The following CDK9 variants were observed in gnomAD, a reference collection of about 807,000 sequenced individuals.
The protein encoded by CDK9 is cyclin dependent kinase 9.
Under a neutral mutation model 39.0 loss-of-function variants are expected in CDK9, and 34 were observed. That is an observed-to-expected ratio of 0.87 (90% CI 0.66 to 1.16). The LOEUF (loss-of-function observed/expected upper bound fraction) is 1.16, where lower values mean the gene tolerates loss of function less well. Ranked by LOEUF, CDK9 falls within the 50% of genes most tolerant of loss-of-function variation. The probability of loss-of-function intolerance (pLI) is 0.00; values close to 1 mark genes in which losing one functional copy is unlikely to be tolerated. For synonymous variants in CDK9, 233 were observed against 196.2 expected, an observed-to-expected ratio of 1.19 and a Z score of -1.57; for missense variants, 369 against 503.2, an observed-to-expected ratio of 0.73 and a Z score of 2.55.
In CDK9 at chr9:127,788,625, T is replaced by C. The variant is rs1317836668; in HGVS notation, c.686T>C (p.Met229Thr). The C allele has an allele frequency of 6.2e-7, 1 of 1,610,542 alleles. No homozygotes were observed. Among genetic ancestry groups the C allele is most frequent in the South Asian group, 1.1e-5 (1 of 90,232 alleles). The part of the protein sequence containing the change: ...MAEMWTRSPI[M>T]QGNTEQHQLA... ...GAGATGTGGACCCGCAGCCCCATCATGCAGGGCAACACGGAGCAGCACCAA... is the reference window on the plus strand; with the variant it reads ...GAGATGTGGACCCGCAGCCCCATCACGCAGGGCAACACGGAGCAGCACCAA... The change falls in exon 6 of 7, where the codon ATG (methionine) becomes ACG (threonine). Residue 229 changes from methionine to threonine, a missense_variant. By Grantham distance (81) the Met-to-Thr change is moderately conservative. Transcript: ENST00000373264.
At chr9:127,787,688 A>G in intron 3 of CDK9, 80 bp downstream of exon 3, 1 of 1,089,250 alleles carries the variant, frequency 9.2e-7, no homozygotes, top group Middle Eastern at 2.0e-4. Flanking sequence ...GGCACACCTA[A>G]ACTGCCTCTT....
At chr9:127,786,655 G>A (rs1223371281) in intron 1 of CDK9, 46 bp from the exon 2 acceptor site, 2 of 1,546,138 alleles carry the variant, frequency 1.3e-6, no homozygotes, top group African/African-American at 2.7e-5. Context: ...GGCGGGCCCT[G>A]CGGAAATGGC....
rs200589213 is a variant in CDK9 at position 127,786,674 on chromosome 9, T to C, written c.93-27T>C. The C allele has an allele frequency of 1.7e-3, 2,652 of 1,591,684 alleles. 3 individuals carry two copies. Among genetic ancestry groups the C allele is most frequent in the Non-Finnish European group, 2.0e-3 (2,367 of 1,162,696 alleles). The stretch of plus-strand genomic sequence containing the variant: ...GGCCCTGCGGAAATGGCCTGATGAG[T>C]TCTCGGGTCTCCCTTTCCGCCTGCA... On this transcript the variant is annotated intron_variant, in intron 1 of 6. Coordinates refer to ENST00000373264, the MANE Select transcript of CDK9 (RefSeq NM_001261.4).
intron 5 of CDK9, 62 bp downstream of exon 5, chr9:127,788,447 C>G (rs1007646763): frequency 3.0e-5 from 46 of 1,557,102 alleles, no homozygotes; most frequent in Admixed American, 1.6e-4. Context: ...CCCCTTCCCC[C>G]CAACTGCCAG....
At position 127,789,661 on chromosome 9, in the gene CDK9, C is replaced by A; in HGVS notation, c.*118C>A. Reference sequence around the variant, plus strand: ...ATGCATATTTTATTTAATCCCCACCCTGGGCTCTGGGAGCAGCCCGCTGAG... The same window carrying A: ...ATGCATATTTTATTTAATCCCCACCATGGGCTCTGGGAGCAGCCCGCTGAG... On this transcript the variant is annotated 3_prime_UTR_variant, in exon 7 of 7. Coordinates refer to ENST00000373264, the MANE Select transcript of CDK9 (RefSeq NM_001261.4). This position sits in a 1 kb window ranked among gnomAD's most constrained non-coding sequence, Gnocchi z 5.2. The A allele has an allele frequency of 1.5e-6, 2 of 1,333,766 alleles. No homozygotes were observed. The highest frequency in any genetic ancestry group is 2.0e-6 in the Non-Finnish European group (2 of 992,298). The allele number at this position is 1,333,766 out of a possible 1,614,324, so 82.6% of individuals were successfully genotyped here.
Position 127,789,450 on chromosome 9 carries a change from G to A in CDK9, c.1026G>A (p.Pro342=), listed in dbSNP as rs951146646. 4.3e-6 allele frequency: 7 copies of A among 1,613,952 alleles called. No individual in the cohort carries two copies. The highest frequency in any genetic ancestry group is 4.2e-6 in the Non-Finnish European group (5 of 1,180,026). The part of the protein sequence containing the change: ...LTSMFEYLAP[P]RRKGSQITQQ... Reference sequence around the variant, plus strand: ...CCATGTTCGAGTACTTGGCACCACCGCGCCGGAAGGGCAGCCAGATCACCC... The same window carrying A: ...CCATGTTCGAGTACTTGGCACCACCACGCCGGAAGGGCAGCCAGATCACCC... Residue 342 remains proline (P), a synonymous_variant, in exon 7 of 7, where the codon CCG becomes CCA. Transcript: ENST00000373264. The surrounding 1 kb of genome is among the most constrained non-coding windows in gnomAD (Gnocchi z 5.2).
In CDK9 at chr9:127,786,148, C is replaced by T. The variant is rs1829308410; in HGVS notation, c.-1C>T. 1 of 1,597,226 alleles carries T rather than the reference C, an allele frequency of 6.3e-7. No homozygotes were observed. The highest frequency in any genetic ancestry group is 8.5e-7 in the Non-Finnish European group (1 of 1,173,256). ...GCGGCGGCGGCGCGTTGGAGGCGGC[C>T]ATGGCAAAGCAGTACGACTCGGTGG... On this transcript the variant is annotated 5_prime_UTR_variant, in exon 1 of 7. Transcript: ENST00000373264.
At position 127,789,314 on chromosome 9, in the gene CDK9, T is replaced by C; in HGVS notation, c.890T>C (p.Val297Ala). The C allele has an allele frequency of 6.2e-7, 1 of 1,614,002 alleles. No individual in the cohort carries two copies. Among genetic ancestry groups the C allele is most frequent in the Non-Finnish European group, 8.5e-7 (1 of 1,180,038 alleles). ...YALDLIDKLL[V>A]LDPAQRIDSD... ...CTGGACCTCATCGACAAGCTGCTGG[T>C]GCTGGACCCTGCCCAGCGCATCGAC... is the stretch of plus-strand genomic sequence containing the variant. Residue 297 changes from valine (V) to alanine (A), a missense_variant, in exon 7 of 7, where the codon GTG (valine) becomes GCG (alanine). Transcript: ENST00000373264. The surrounding 1 kb of genome is among the most constrained non-coding windows in gnomAD (Gnocchi z 5.2).
In CDK9 at chr9:127,788,393, C is replaced by A. The variant is rs909038314; in HGVS notation, c.604+8C>A. The A allele has an allele frequency of 3.1e-6, 5 of 1,609,932 alleles. No homozygotes were observed. Among genetic ancestry groups the A allele is most frequent in the Non-Finnish European group, 4.2e-6 (5 of 1,178,780 alleles). ...CCCCGGAGCTGTTGCTCGGTGAGGA[C>A]TCCCGAGCGGGCCAAGGGGGGTGAG... On this transcript the variant is annotated splice_region_variant and intron_variant, in intron 5 of 6. Transcript: ENST00000373264.
rs963244468 is a variant in CDK9, at chr9:127,789,099, C to T, written c.754-79C>T. The T allele has an allele frequency of 1.3e-6, 2 of 1,490,940 alleles. No homozygotes were observed. The highest frequency in any genetic ancestry group is 1.8e-6 in the Non-Finnish European group (2 of 1,120,006). The allele number at this position is 1,490,940 out of a possible 1,614,324, so 92.4% of individuals were successfully genotyped here. A position where few individuals can be genotyped will look rare whatever the true frequency, so the allele number is the denominator to read the frequency against. On this transcript the variant is annotated intron_variant, in intron 6 of 6. Transcript: ENST00000373264. This position sits in a 1 kb window ranked among gnomAD's most constrained non-coding sequence, Gnocchi z 5.2. ...TCCGAGTGGAGCAGGTATTTTAGTC[C>T]TTTTAGGCCTTTATGAAGGGATAAG...
Position 127,789,581 on chromosome 9 carries a change from T to A in CDK9, c.*38T>A. On this transcript the variant is annotated 3_prime_UTR_variant, in exon 7 of 7. Coordinates refer to ENST00000373264, the MANE Select transcript of CDK9 (RefSeq NM_001261.4). This position sits in a 1 kb window ranked among gnomAD's most constrained non-coding sequence, Gnocchi z 5.2. The stretch of plus-strand genomic sequence containing the variant: ...GCCACTAGGGCTCTTGTGTTTTTTT[T>A]CTTCTGCTATGTGACTTGCATCGTG... The A allele has an allele frequency of 6.3e-7, 1 of 1,594,758 alleles. No individual in the cohort carries two copies.
intron 3 of CDK9, 119 bp from the exon 4 acceptor site, chr9:127,787,828 A>T: frequency 9.0e-7 from 1 of 1,114,040 alleles, no homozygotes; most frequent in South Asian, 1.4e-5. Flanking sequence ...GAAGGAACAG[A>T]CAGATGCTCT....
intron 1 of CDK9, 124 bp downstream of exon 1, chr9:127,786,364 C>T (rs1355040654): frequency 3.6e-6 from 3 of 832,420 alleles, no homozygotes; most frequent in South Asian, 1.5e-5. Flanking sequence ...CTGCTGGTCT[C>T]TAGGCCGCGC....
intron 5 of CDK9, 36 bp downstream of exon 5, chr9:127,788,421 C>T (rs1001012071): frequency 3.1e-6 from 5 of 1,592,082 alleles, no homozygotes; most frequent in Non-Finnish European, 3.4e-6. Context: ...GGGGTGAGGG[C>T]CAGGCATCTA....
At position 127,789,508 on chromosome 9, in the gene CDK9, A is replaced by G. The variant is rs747387277; in HGVS notation, c.1084A>G (p.Thr362Ala). The change falls in exon 7 of 7, where the codon ACC (threonine) becomes GCC (alanine). Residue 362 changes from threonine to alanine, a missense_variant. Transcript: ENST00000373264. This position sits in a 1 kb window ranked among gnomAD's most constrained non-coding sequence, Gnocchi z 5.2. ...QSTNQSRNPA[T>A]TNQTEFERVF ...CACCAACCAGAGTCGCAATCCCGCC[A>G]CCACCAACCAGACGGAGTTTGAGCG... 2.0e-5 allele frequency: 32 copies of G among 1,613,990 alleles called. No homozygotes were observed. The Admixed American group carries it at 5.3e-4, about 27-fold the overall frequency.
In CDK9 at chr9:127,789,156, C is replaced by T. The variant is rs1237083264; in HGVS notation, c.754-22C>T. The T allele has an allele frequency of 1.9e-6, 3 of 1,543,304 alleles. No individual in the cohort carries two copies. The highest frequency in any genetic ancestry group is 1.2e-5 in the South Asian group (1 of 80,558). On this transcript the variant is annotated intron_variant, in intron 6 of 6. Transcript: ENST00000373264. This position sits in a 1 kb window ranked among gnomAD's most constrained non-coding sequence, Gnocchi z 5.2. ...ACCTCCTGACCGGACTCCATATTCT[C>T]TCAACGCCCCCTCCCTCCCAGGTGT...
Position 127,787,459 on chromosome 9 carries a change from C to T in CDK9, c.175-59C>T, listed in dbSNP as rs41316970. ...CCCAACTTGGCTGTCAGTACAGACC[C>T]CAGGGCTGGGCTCTGTACTGCGCTC... On this transcript the variant is annotated intron_variant, in intron 2 of 6. Transcript: ENST00000373264. 6,553 of 1,213,474 alleles carry T rather than the reference C, an allele frequency of 5.4e-3. 26 individuals carry two copies. The highest frequency in any genetic ancestry group is 7.1e-3 in the Non-Finnish European group (5,784 of 818,832). 75.2% of individuals were successfully genotyped at this position (1,213,474 alleles called of 1,614,324 possible).
intron 2 of CDK9, among the ~76,000 whole-genome samples, 198 bp from the exon 3 acceptor site, chr9:127,787,320 G>A (rs1039385810): frequency 2.6e-5 from 4 of 152,222 alleles, no homozygotes; most frequent in Non-Finnish European, 5.9e-5. Context: ...AAGTATTGCT[G>A]TTTCAGTTTG....
At position 127,789,394 on chromosome 9, in the gene CDK9, C is replaced by T; in HGVS notation, c.970C>T (p.Leu324Phe). ...FFWSDPMPSD[L>F]KGMLSTHLTS... ...CTGGTCCGACCCCATGCCCTCCGACCTCAAGGGCATGCTCTCCACCCACCT... is the reference window on the plus strand; with the variant it reads ...CTGGTCCGACCCCATGCCCTCCGACTTCAAGGGCATGCTCTCCACCCACCT... Residue 324 changes from leucine to phenylalanine, a missense_variant, in exon 7 of 7, where the codon CTC becomes TTC. By Grantham distance (22) the Leu-to-Phe change is conservative. Transcript: ENST00000373264. The surrounding 1 kb of genome is among the most constrained non-coding windows in gnomAD (Gnocchi z 5.2). 6.2e-7 allele frequency: 1 copy of T among 1,614,058 alleles called. No individual in the cohort carries two copies. Among genetic ancestry groups the T allele is most frequent in the Non-Finnish European group, 8.5e-7 (1 of 1,180,022 alleles).
Sources: allele counts gnomAD v4.1 joint callset (sites outside exome capture counted in the v4.1 genomes callset), GRCh38; gene constraint gnomAD v4.1.1; non-coding constraint Gnocchi (gnomAD v3.1); transcripts MANE v1.5; gene names NCBI Gene and HGNC (gene_info 2026-07-23, HGNC 2026-07-21).